The following PAFAH1B1 variants were observed in gnomAD, a reference collection of about 807,000 sequenced individuals.
The protein encoded by PAFAH1B1 is platelet-activating factor acetylhydrolase IB subunit beta.
Under a neutral mutation model 57.5 loss-of-function variants are expected in PAFAH1B1, and 2 were observed. The observed-to-expected ratio is 0.03, with a 90% CI of 0.01 to 0.11. The LOEUF (loss-of-function observed/expected upper bound fraction) is 0.11. Ranked by LOEUF, PAFAH1B1 falls within the 10% of genes least tolerant of loss-of-function variation. The pLI, the probability that PAFAH1B1 is intolerant of heterozygous loss-of-function variation, is 1.00. For synonymous variants in PAFAH1B1, 152 were observed against 169.6 expected (o/e 0.90, Z 0.81); for missense variants, 257 against 512.0 (o/e 0.50, Z 4.81).
chr17:2,663,869 A>G (rs1390780792), intron 2 of PAFAH1B1, among the ~76,000 whole-genome samples: 2 of 150,870 alleles, frequency 1.3e-5, no homozygotes, highest in African/African-American at 4.9e-5. Context: ...TAATTTTTGT[A>G]TTTTTAGTAG....
chr17:2,678,458 C>T (rs1325351210), intron 9 of PAFAH1B1, among the ~76,000 whole-genome samples: 3 of 148,306 alleles, frequency 2.0e-5, no homozygotes, highest in South Asian at 2.1e-4. Context: ...CCCAGCTACT[C>T]GGGAGGCTGA....
chr17:2,664,448 C>G (rs993811880), intron 2 of PAFAH1B1, among the ~76,000 whole-genome samples: 3 of 151,388 alleles, frequency 2.0e-5, no homozygotes, highest in Admixed American at 6.6e-5. Context: ...CTCTGTTGCC[C>G]AGGCTAGAGT....
chr17:2,619,596 T>TA lies in PAFAH1B1; in HGVS notation c.-190-18500dup, dbSNP rs542797860. Among the ~76,000 whole-genome samples, 822 of 151,976 alleles carry TA rather than the reference T, an allele frequency of 5.4e-3. 6 individuals carry two copies. The highest frequency in any genetic ancestry group is 0.016 in the South Asian group (78 of 4,820). On this transcript the variant is annotated intron_variant, in intron 1 of 10. Coordinates refer to ENST00000397195, the MANE Select transcript of PAFAH1B1 (RefSeq NM_000430.4). ...TCCTGAATTACCTGGGGTCTTGACT[T>TA]AAAGTTCAGAACTAATTGTAATAGG...
rs939055506 is a variant in PAFAH1B1, at chr17:2,638,376, G to A, written c.32+56G>A. ...AATCTCCCTCATGAGAGAGAAAGTA[G>A]TAAATTAAAATACAGCTTTGGGAGG... On this transcript the variant is annotated intron_variant, in intron 2 of 10. Coordinates refer to ENST00000397195, the MANE Select transcript of PAFAH1B1 (RefSeq NM_000430.4). The A allele has an allele frequency of 1.5e-5, 21 of 1,431,192 alleles. No homozygotes were observed. In the Middle Eastern group the frequency reaches 5.7e-4, roughly 39 times the overall value. 88.7% of individuals were successfully genotyped at this position (1,431,192 alleles called of 1,614,324 possible).
At chr17:2,593,390 G>C (rs1305201427), upstream of PAFAH1B1, 2 of 152,616 alleles carry the variant, frequency 1.3e-5, no homozygotes. Flanking sequence ...GGAAAAAAGA[G>C]CCTCTCCCAA....
chr17:2,673,853 C>T (rs1242347251), intron 7 of PAFAH1B1: 3 of 549,852 alleles, frequency 5.5e-6, no homozygotes, highest in African/African-American at 3.8e-5. Flanking sequence ...ATTTTATCTT[C>T]TAGATGTTGA....
Position 2,681,738 on chromosome 17 carries a change from A to G in PAFAH1B1, c.1169A>G (p.Lys390Arg). The part of the protein sequence containing the change: ...EHFVTSLDFH[K>R]TAPYVVTGSV... ...TTTCTTTTTCTTTCAGATTTCCACA[A>G]GACGGCACCCTATGTCGTCACTGGC... Residue 390 changes from lysine (K) to arginine (R), a missense_variant, in exon 11 of 11, where the codon AAG (lysine) becomes AGG (arginine). Coordinates refer to ENST00000397195, the MANE Select transcript of PAFAH1B1 (RefSeq NM_000430.4). 1 of 1,613,002 alleles carries G rather than the reference A, an allele frequency of 6.2e-7. No homozygotes were observed. The highest frequency in any genetic ancestry group is 1.1e-5 in the South Asian group (1 of 91,012).
chr17:2,659,488 TC>T, intron 2 of PAFAH1B1: 1 of 172,414 alleles, frequency 5.8e-6, no homozygotes, highest in South Asian at 6.6e-5. Flanking sequence ...GCCACTGCAT[TC>T]CAGCCTGGCG....
In PAFAH1B1 at chr17:2,682,700, A is replaced by G. The variant is rs1400125080; in HGVS notation, c.*898A>G. 1 of 152,610 alleles carries G rather than the reference A, an allele frequency of 6.6e-6. No individual in the cohort carries two copies. The highest frequency in any genetic ancestry group is 1.5e-5 in the Non-Finnish European group (1 of 68,030). The allele number at this position is 152,610 out of a possible 1,614,324, so 9.5% of individuals were successfully genotyped here. A position where few individuals can be genotyped will look rare whatever the true frequency, so the allele number is the denominator to read the frequency against. On this transcript the variant is annotated 3_prime_UTR_variant, in exon 11 of 11. Coordinates refer to ENST00000397195, the MANE Select transcript of PAFAH1B1 (RefSeq NM_000430.4). The stretch of plus-strand genomic sequence containing the variant: ...TTTTGGTGTTTTTTAGGGATGTGCA[A>G]TGTGCATTACATAATGACAGAAATA...
chr17:2,652,323 G>C (rs1445474284), intron 2 of PAFAH1B1, among the ~76,000 whole-genome samples: 1 of 152,200 alleles, frequency 6.6e-6, no homozygotes, highest in Admixed American at 6.5e-5. Flanking sequence ...GCTGAGGCAG[G>C]AGAATGGCGT....
At chr17:2,645,840 G>A (rs922524226) in intron 2 of PAFAH1B1, among the ~76,000 whole-genome samples, 1 of 150,312 alleles carries the variant, frequency 6.7e-6, no homozygotes, top group Admixed American at 6.6e-5. Flanking sequence ...TCCTGACCTC[G>A]TGATCCACCC....
chr17:2,647,310 G>A (rs2068782470), intron 2 of PAFAH1B1, among the ~76,000 whole-genome samples: 1 of 152,174 alleles, frequency 6.6e-6, no homozygotes, highest in South Asian at 2.1e-4. Context: ...AGGTTGCAGT[G>A]AGCCGAGATC....
chr17:2,624,762 T>A (rs1156827294), intron 1 of PAFAH1B1, among the ~76,000 whole-genome samples: 1 of 152,152 alleles, frequency 6.6e-6, no homozygotes, highest in African/African-American at 2.4e-5. Context: ...AGGCTAGTCT[T>A]GAACTCCTGG....
At chr17:2,652,522 C>T (rs926221140) in intron 2 of PAFAH1B1, among the ~76,000 whole-genome samples, 6 of 152,206 alleles carry the variant, frequency 3.9e-5, no homozygotes, top group African/African-American at 1.2e-4. Context: ...AAAAAACTGA[C>T]TTTTGCAGTT....
intron 2 of PAFAH1B1, among the ~76,000 whole-genome samples, chr17:2,650,822 C>T (rs956056782): frequency 1.3e-5 from 2 of 151,924 alleles, no homozygotes; most frequent in Non-Finnish European, 2.9e-5. Context: ...GGTGTTGCTA[C>T]GTTTTTGTTT....
chr17:2,676,646 C>T (rs2069272617), intron 9 of PAFAH1B1, 40 bp downstream of exon 9: 1 of 1,120,268 alleles, frequency 8.9e-7, no homozygotes, highest in Non-Finnish European at 1.4e-6. Context: ...TGCATCTTCA[C>T]TGTTTATACC....
Position 2,666,101 on chromosome 17 carries a change from CT to C in PAFAH1B1, c.192+17del. ...AGATTACAAAAGAAGGTAACTAAGT[CT>C]TTTTTCTTTAAAATTAGTTGTATTC... On this transcript the variant is annotated intron_variant, in intron 4 of 10. Coordinates refer to ENST00000397195, the MANE Select transcript of PAFAH1B1 (RefSeq NM_000430.4). 4 of 1,479,376 alleles carry C rather than the reference CT, an allele frequency of 2.7e-6. No homozygotes were observed. The highest frequency in any genetic ancestry group is 3.7e-6 in the Non-Finnish European group (4 of 1,082,082). 91.6% of individuals were successfully genotyped at this position (1,479,376 alleles called of 1,614,324 possible). A position where few individuals can be genotyped will look rare whatever the true frequency, so the allele number is the denominator to read the frequency against.
At chr17:2,671,335 A>G (rs538351529) in intron 6 of PAFAH1B1, among the ~76,000 whole-genome samples, 1 of 151,552 alleles carries the variant, frequency 6.6e-6, no homozygotes, top group South Asian at 2.1e-4. Flanking sequence ...CAGCCTCCTG[A>G]GTATCTAGGA....
intron 2 of PAFAH1B1, among the ~76,000 whole-genome samples, chr17:2,664,556 C>T (rs901190248): frequency 2.6e-5 from 4 of 152,024 alleles, no homozygotes; most frequent in Admixed American, 2.0e-4. Context: ...CAGGGGCTTG[C>T]CACCACGCCA....
Sources: gnomAD v4.1 joint callset for allele counts (sites outside exome capture counted in the v4.1 genomes callset) on GRCh38, gnomAD v4.1.1 for gene constraint, MANE v1.5 for transcripts, NCBI Gene and HGNC (gene_info 2026-07-23, HGNC 2026-07-21) for gene names.